TRIM2: variants seen among roughly 807,000 people sequenced by gnomAD.
TRIM2 encodes the protein tripartite motif-containing protein 2.
A neutral mutation model predicts 75.2 loss-of-function variants in TRIM2; 20 were observed. The ratio of observed to expected loss-of-function variants is 0.27; its 90% CI spans 0.19 to 0.39. TRIM2 has a LOEUF of 0.39. TRIM2 is among the 10% of genes least tolerant of loss of function. The pLI, the probability that TRIM2 is intolerant of heterozygous loss-of-function variation, is 1.00. For synonymous variants in TRIM2, 373 were observed against 388.3 expected, an observed-to-expected ratio of 0.96 and a Z score of 0.46; for missense variants, 660 against 990.8, an observed-to-expected ratio of 0.67 and a Z score of 4.48.
chr4:153,275,189 A>G (rs368720095), intron 2 of TRIM2, among the ~76,000 whole-genome samples: 1 of 152,210 alleles, frequency 6.6e-6, no homozygotes, highest in East Asian at 1.9e-4. Context: ...AACAGTACCT[A>G]TCTCATAGGC....
At chr4:153,155,656 T>C (rs1729165305) in intron 1 of TRIM2, among the ~76,000 whole-genome samples, 1 of 151,942 alleles carries the variant, frequency 6.6e-6, no homozygotes. Context: ...AAGTGAACAA[T>C]TTATCATCTG....
chr4:153,318,240 T>A (rs6820297), intron 8 of TRIM2, among the ~76,000 whole-genome samples: 96,046 of 152,086 alleles, frequency 0.63, 31,395 homozygotes, highest in African/African-American at 0.81. Flanking sequence ...TTGGTTTCTT[T>A]CTGGAAGAAT....
At chr4:153,280,628 C>A (rs116816042) in intron 3 of TRIM2, among the ~76,000 whole-genome samples, 3 of 152,110 alleles carry the variant, frequency 2.0e-5, no homozygotes, top group African/African-American at 7.2e-5. Context: ...ATCCTCCCAT[C>A]TGGACCTCCC....
intron 1 of TRIM2, among the ~76,000 whole-genome samples, chr4:153,230,845 G>A (rs1743428616): frequency 6.6e-6 from 1 of 152,164 alleles, no homozygotes; most frequent in Non-Finnish European, 1.5e-5. Context: ...AACATAGCAG[G>A]TAACTAGCTG....
intron 1 of TRIM2, among the ~76,000 whole-genome samples, chr4:153,217,124 G>A (rs543380623): frequency 5.3e-4 from 80 of 152,098 alleles, no homozygotes; most frequent in African/African-American, 1.9e-3. Flanking sequence ...TCTGTTAAAT[G>A]ACATGATTTT....
At chr4:153,208,239 A>G (rs1736010664) in intron 1 of TRIM2, among the ~76,000 whole-genome samples, 1 of 152,140 alleles carries the variant, frequency 6.6e-6, no homozygotes, top group Admixed American at 6.6e-5. Flanking sequence ...TGGAAGCTGC[A>G]GTGAGCTATG....
At chr4:153,297,336 G>A (rs1159535340) in intron 6 of TRIM2, among the ~76,000 whole-genome samples, 2 of 152,176 alleles carry the variant, frequency 1.3e-5, no homozygotes, top group Admixed American at 6.5e-5. Context: ...GCAGGACTGG[G>A]AGGCGCCCAG....
chr4:153,326,324 A>G (rs571421982), intron 10 of TRIM2, among the ~76,000 whole-genome samples: 5 of 152,304 alleles, frequency 3.3e-5, no homozygotes, highest in African/African-American at 1.2e-4. Context: ...TATTTTAGCT[A>G]TTTATTTAAA....
chr4:153,331,100 T>C (rs377396297), intron 11 of TRIM2, among the ~76,000 whole-genome samples: 19 of 152,108 alleles, frequency 1.2e-4, no homozygotes, highest in Admixed American at 2.0e-4. Flanking sequence ...GGTGGGAAGA[T>C]TGCTTGAGGC....
At chr4:153,320,030 T>G (rs540784248) in intron 8 of TRIM2, among the ~76,000 whole-genome samples, 2 of 152,236 alleles carry the variant, frequency 1.3e-5, no homozygotes, top group Non-Finnish European at 2.9e-5. Context: ...CTACAAGTGT[T>G]CATAATGTTA....
intron 2 of TRIM2, among the ~76,000 whole-genome samples, chr4:153,275,674 A>C (rs1258524833): frequency 6.6e-6 from 1 of 152,248 alleles, no homozygotes; most frequent in African/African-American, 2.4e-5. Flanking sequence ...ACACTACAAA[A>C]GTCAATGACA....
intron 1 of TRIM2, among the ~76,000 whole-genome samples, chr4:153,250,550 A>G (rs893943591): frequency 3.3e-5 from 5 of 152,238 alleles, no homozygotes; most frequent in Admixed American, 1.3e-4. Context: ...AAATGATACC[A>G]GACCAACCAA....
chr4:153,200,939 AC>A (rs1000693086), upstream of TRIM2, among the ~76,000 whole-genome samples: 2 of 151,674 alleles, frequency 1.3e-5, no homozygotes, highest in African/African-American at 4.8e-5. Flanking sequence ...GGTATGAGCC[AC>A]CACGCCTGGT....
intron 1 of TRIM2, among the ~76,000 whole-genome samples, chr4:153,205,859 A>G (rs947009536): frequency 1.3e-5 from 2 of 152,218 alleles, no homozygotes; most frequent in Non-Finnish European, 2.9e-5. Context: ...TGAATGCTTG[A>G]ACCCATTGTA....
chr4:153,213,023 A>AT (rs1180249904), intron 1 of TRIM2, among the ~76,000 whole-genome samples: 30 of 152,214 alleles, frequency 2.0e-4, no homozygotes, highest in Non-Finnish European at 3.7e-4. Context: ...TGTGCATGAG[A>AT]TATCACCAGT....
intron 1 of TRIM2, among the ~76,000 whole-genome samples, chr4:153,171,311 C>T (rs765304186): frequency 5.3e-5 from 8 of 152,208 alleles, no homozygotes; most frequent in Non-Finnish European, 1.2e-4. Flanking sequence ...TGGGGCTAGA[C>T]GTGGTGACTC....
At chr4:153,269,691 T>C (rs1012966014) in intron 1 of TRIM2, among the ~76,000 whole-genome samples, 3 of 152,230 alleles carry the variant, frequency 2.0e-5, no homozygotes, top group Non-Finnish European at 4.4e-5. Context: ...CAGACATAGC[T>C]ATATAAAGTA....
chr4:153,250,066 A>G (rs2149918416), intron 1 of TRIM2, among the ~76,000 whole-genome samples: 1 of 151,906 alleles, frequency 6.6e-6, no homozygotes, highest in Non-Finnish European at 1.5e-5. Flanking sequence ...TTACTTGGGC[A>G]TTTAATAATC....
At chr4:153,201,835 C>A (rs765426325), upstream of TRIM2, among the ~76,000 whole-genome samples, 2 of 152,136 alleles carry the variant, frequency 1.3e-5, no homozygotes, top group South Asian at 4.1e-4. Context: ...ATGTCACGGG[C>A]GTGTCCTCAA....
Sources: allele counts gnomAD v4.1 joint callset (sites outside exome capture counted in the v4.1 genomes callset), GRCh38; gene constraint gnomAD v4.1.1; transcripts MANE v1.5; gene names NCBI Gene and HGNC (gene_info 2026-07-23, HGNC 2026-07-21).